The following TLN2 variants were observed in gnomAD, a reference collection of about 807,000 sequenced individuals.
The protein encoded by TLN2 is talin-2.
TLN2 carries 118 observed loss-of-function variants against 294.7 expected under a neutral mutation model. That is an observed-to-expected ratio of 0.40 (90% CI 0.34 to 0.47). The LOEUF (loss-of-function observed/expected upper bound fraction) is 0.47. Among genes scored for constraint, TLN2 ranks in the 20% least tolerant of loss-of-function variants. The pLI, the probability that TLN2 is intolerant of heterozygous loss-of-function variation, is 0.84. For missense variants in TLN2, 3,083 were observed against 3,282.2 expected, an observed-to-expected ratio of 0.94 and a Z score of 1.48; for synonymous variants, 1,431 against 1,304.5, an observed-to-expected ratio of 1.10 and a Z score of -2.09.
At chr15:62,799,034 A>G (rs969253930) in intron 48 of TLN2, among the ~76,000 whole-genome samples, 1 of 152,212 alleles carries the variant, frequency 6.6e-6, no homozygotes, top group Admixed American at 6.5e-5. Context: ...ATACGTTGTC[A>G]CATCTGAGAT....
chr15:62,687,513 G>T (rs1042095557), intron 12 of TLN2, among the ~76,000 whole-genome samples: 1 of 152,232 alleles, frequency 6.6e-6, no homozygotes, highest in African/African-American at 2.4e-5. Context: ...TTTGTTGTTA[G>T]CAGAGTATAA....
chr15:62,434,101 A>T (rs1474928568), intron 1 of TLN2, among the ~76,000 whole-genome samples: 1 of 150,682 alleles, frequency 6.6e-6, no homozygotes, highest in Non-Finnish European at 1.5e-5. Context: ...TAAAAATTTT[A>T]AAAAGTAGAA....
chr15:62,834,475 C>T (rs181207606), intron 55 of TLN2: 8 of 152,286 alleles, frequency 5.3e-5, no homozygotes, highest in African/African-American at 1.2e-4. Context: ...CCCAAGAACT[C>T]GCAGTACAGA....
At chr15:62,403,216 T>G (rs1172177512) in intron 1 of TLN2, among the ~76,000 whole-genome samples, 2 of 145,142 alleles carry the variant, frequency 1.4e-5, no homozygotes, top group Admixed American at 1.4e-4. Context: ...AGACTCCATC[T>G]CAAAAAAAAA....
chr15:62,469,472 A>T (rs564451953), intron 1 of TLN2, among the ~76,000 whole-genome samples: 12 of 152,358 alleles, frequency 7.9e-5, no homozygotes, highest in South Asian at 6.2e-4. Flanking sequence ...TGCATTTTGA[A>T]GTCCCAAGCT....
intron 46 of TLN2, 47 bp from the exon 47 acceptor site, chr15:62,796,080 G>A (rs1429830626): frequency 5.0e-6 from 8 of 1,601,390 alleles, no homozygotes; most frequent in South Asian, 3.4e-5. Context: ...TTTAGGTCCT[G>A]TTCTCTCCAT....
intron 11 of TLN2, among the ~76,000 whole-genome samples, chr15:62,682,088 C>T (rs1596685724): frequency 6.6e-6 from 1 of 152,178 alleles, no homozygotes; most frequent in African/African-American, 2.4e-5. Flanking sequence ...TCACTGAACT[C>T]TTCCCACACT....
intron 2 of TLN2, among the ~76,000 whole-genome samples, chr15:62,604,839 C>G (rs1264770843): frequency 6.6e-6 from 1 of 151,990 alleles, no homozygotes; most frequent in African/African-American, 2.4e-5. Flanking sequence ...AGCCTACCAT[C>G]CTGTAGCGTG....
intron 1 of TLN2, among the ~76,000 whole-genome samples, chr15:62,579,393 A>G (rs920379415): frequency 6.6e-6 from 1 of 152,194 alleles, no homozygotes; most frequent in Non-Finnish European, 1.5e-5. Context: ...TTATTTATGG[A>G]AAGTGAGTAT....
chr15:62,665,068 T>C (rs1259472133), intron 9 of TLN2, among the ~76,000 whole-genome samples: 2 of 152,030 alleles, frequency 1.3e-5, no homozygotes, highest in Admixed American at 1.3e-4. Context: ...CACTCAACTA[T>C]TTTTGTTGTT....
chr15:62,810,109 C>CCTTG (rs1425927774), intron 52 of TLN2, 77 bp downstream of exon 52: 15 of 1,232,494 alleles, frequency 1.2e-5, no homozygotes, highest in Non-Finnish European at 1.3e-5. Context: ...ACTATGCTTT[C>CCTTG]CTTGGGAAGA....
At chr15:62,424,557 C>T (rs775400681) in intron 1 of TLN2, among the ~76,000 whole-genome samples, 2 of 152,236 alleles carry the variant, frequency 1.3e-5, no homozygotes, top group African/African-American at 2.4e-5. Flanking sequence ...GCTCATTAGG[C>T]TCACCTGGGA....
chr15:62,647,175 G>A (rs2051974104), intron 3 of TLN2, 100 bp from the exon 4 acceptor site: 2 of 1,135,804 alleles, frequency 1.8e-6, no homozygotes, highest in Non-Finnish European at 2.5e-6. Flanking sequence ...CTCTTTCCAT[G>A]TTTAAAGTTG....
At chr15:62,670,766 G>A (rs2055305715) in intron 9 of TLN2, among the ~76,000 whole-genome samples, 2 of 152,132 alleles carry the variant, frequency 1.3e-5, no homozygotes, top group African/African-American at 2.4e-5. Context: ...TGCTGTGAAC[G>A]TTTGTGTACA....
In TLN2 at chr15:62,698,765, G is replaced by C. The variant is rs910681765; in HGVS notation, c.1485G>C (p.Gln495His). ...RGHMPPLTSA[Q>H]QALMGTINTS... is the part of the protein sequence containing the mutation. ...ATTTGCCTTTGCAGACCTCAGCCCA[G>C]CAGGCCCTGATGGGGACCATCAACA... is the stretch of plus-strand genomic sequence containing the variant. The change falls in exon 16 of 59, where the codon CAG (glutamine) becomes CAC (histidine). Residue 495 changes from glutamine to histidine, a missense_variant. Transcript: ENST00000636159. 4.3e-6 allele frequency: 7 copies of C among 1,610,424 alleles called. No homozygotes were observed. Among genetic ancestry groups the C allele is most frequent in the Non-Finnish European group, 5.9e-6 (7 of 1,179,850 alleles).
chr15:62,816,596 T>C (rs2067137259), intron 52 of TLN2, among the ~76,000 whole-genome samples: 1 of 152,210 alleles, frequency 6.6e-6, no homozygotes, highest in South Asian at 2.1e-4. Context: ...GAGACAGAAG[T>C]CTTTCATCAT....
Position 62,805,773 on chromosome 15 carries a change from G to A in TLN2, c.6651G>A (p.Leu2217=). The change falls in exon 51 of 59, where the codon TTG becomes TTA. Residue 2217 remains leucine, a synonymous_variant. Transcript: ENST00000636159. ...GCCGGAAAGCCGTGTCAGATATGTT[G>A]ACGGCTTGCAAGGTAAAGAGCTTGG... ...NLSRKAVSDM[L]TACKQASFHP... 1 of 1,613,528 alleles carries A rather than the reference G, an allele frequency of 6.2e-7. No homozygotes were observed. Among genetic ancestry groups the A allele is most frequent in the Non-Finnish European group, 8.5e-7 (1 of 1,179,578 alleles).
At chr15:62,571,810 T>C (rs1268160161) in intron 1 of TLN2, among the ~76,000 whole-genome samples, 1 of 152,236 alleles carries the variant, frequency 6.6e-6, no homozygotes, top group Non-Finnish European at 1.5e-5. Flanking sequence ...AAGGGCTTTT[T>C]CTTAAACACA....
chr15:62,716,536 A>G, intron 23 of TLN2, 77 bp downstream of exon 23: 1 of 1,511,548 alleles, frequency 6.6e-7, no homozygotes, highest in Non-Finnish European at 8.8e-7. Flanking sequence ...TTGAATTAAC[A>G]AGGTGTTGAC....
Sources: allele counts gnomAD v4.1 joint callset (sites outside exome capture counted in the v4.1 genomes callset), GRCh38; gene constraint gnomAD v4.1.1; transcripts MANE v1.5; gene names NCBI Gene and HGNC (gene_info 2026-07-23, HGNC 2026-07-21).